Variants in ACTR3 observed in about 807,000 individuals in gnomAD.
ACTR3 encodes actin-related protein 3.
In ACTR3, 12 loss-of-function variants were observed where a neutral mutation model predicts 56.8. That is an observed-to-expected ratio of 0.21 (90% confidence interval 0.14 to 0.34). The LOEUF (loss-of-function observed/expected upper bound fraction) is 0.34, where lower values mean the gene tolerates loss of function less well. Ranked by LOEUF, ACTR3 falls within the 10% of genes least tolerant of loss-of-function variation. ACTR3 has a pLI of 1.00. For missense variants in ACTR3, 282 were observed against 512.5 expected, an observed-to-expected ratio of 0.55 and a Z score of 4.34; for synonymous variants, 162 against 167.4, an observed-to-expected ratio of 0.97 and a Z score of 0.25.
intron 3 of ACTR3, among the ~76,000 whole-genome samples, chr2:113,920,242 G>C (rs1419712151): frequency 1.3e-5 from 2 of 152,056 alleles, no homozygotes; most frequent in African/African-American, 4.8e-5. Context: ...ATTTTTTATA[G>C]AGACAGGGTC....
chr2:113,921,143 C>CT (rs1679499589), intron 3 of ACTR3, among the ~76,000 whole-genome samples: 1 of 151,858 alleles, frequency 6.6e-6, no homozygotes, highest in Non-Finnish European at 1.5e-5. Flanking sequence ...TTTTTTTTGT[C>CT]TTTTGGGTAA....
At chr2:113,942,042 T>C in intron 7 of ACTR3, 144 bp from the exon 8 acceptor site, 1 of 607,198 alleles carries the variant, frequency 1.6e-6, no homozygotes, top group East Asian at 3.5e-5. Context: ...TCCTAACAAA[T>C]TTTTCTTCCA....
Position 113,945,125 on chromosome 2 carries a change from G to A in ACTR3, c.858+2766G>A, listed in dbSNP as rs564683827. On this transcript the variant is annotated intron_variant, in intron 8 of 11. Coordinates refer to ENST00000263238, the MANE Select transcript of ACTR3 (RefSeq NM_005721.5). ...AGAGGAGTGAGCATGAGAAGGATAA[G>A]GAATTGTGGTCAGACTAGTATACTG... Among the ~76,000 whole-genome samples, 3 of 152,236 alleles carry A rather than the reference G, an allele frequency of 2.0e-5. No homozygotes were observed. The South Asian group carries it at 6.2e-4, about 32-fold the overall frequency.
At chr2:113,949,394 G>GAAAAAAAAAAAAGA (rs562713600) in intron 8 of ACTR3, among the ~76,000 whole-genome samples, 1 of 108,858 alleles carries the variant, frequency 9.2e-6, no homozygotes, top group East Asian at 2.5e-4. Flanking sequence ...AAAAAAAAAA[G>GAAAAAAAAAAAAGA]AAAAAAAAAA....
intron 6 of ACTR3, among the ~76,000 whole-genome samples, chr2:113,935,650 A>G (rs1037810941): frequency 2.0e-5 from 3 of 152,204 alleles, no homozygotes; most frequent in African/African-American, 4.8e-5. Flanking sequence ...AGCATTTGAT[A>G]GCTTTTTTTA....
chr2:113,892,867 A>G (rs1678931738), intron 1 of ACTR3, among the ~76,000 whole-genome samples: 1 of 152,224 alleles, frequency 6.6e-6, no homozygotes, highest in Admixed American at 6.5e-5. Context: ...ATCGTCTTAG[A>G]TAGGAAAGCT....
chr2:113,907,449 T>C (rs1679216366), intron 1 of ACTR3, among the ~76,000 whole-genome samples: 2 of 152,026 alleles, frequency 1.3e-5, no homozygotes, highest in Non-Finnish European at 2.9e-5. Context: ...ATTTGGATCT[T>C]GATTTGTTGC....
intron 1 of ACTR3, among the ~76,000 whole-genome samples, chr2:113,897,249 T>C (rs1679023665): frequency 6.6e-6 from 1 of 152,168 alleles, no homozygotes; most frequent in Non-Finnish European, 1.5e-5. Context: ...AATAGGATAG[T>C]GACTAATATT....
At chr2:113,890,375 T>A in intron 1 of ACTR3, 52 bp downstream of exon 1, 1 of 272,302 alleles carries the variant, frequency 3.7e-6, no homozygotes, top group Non-Finnish European at 5.8e-6. Flanking sequence ...GGAAGGAAGA[T>A]GGCGGGGGAG....
chr2:113,912,611 A>C (rs1679328128), intron 1 of ACTR3, among the ~76,000 whole-genome samples: 1 of 152,142 alleles, frequency 6.6e-6, no homozygotes, highest in Admixed American at 6.5e-5. Flanking sequence ...GAGACAACCA[A>C]AATTATTCTT....
chr2:113,952,717 T>C (rs926433770), intron 10 of ACTR3: 2 of 152,146 alleles, frequency 1.3e-5, no homozygotes, highest in Admixed American at 1.3e-4. Flanking sequence ...AAAGTATATG[T>C]TTTGGGTGGA....
chr2:113,906,468 T>C (rs1257769086), intron 1 of ACTR3, among the ~76,000 whole-genome samples: 1 of 152,202 alleles, frequency 6.6e-6, no homozygotes, highest in Non-Finnish European at 1.5e-5. Flanking sequence ...AGTTTTTAAT[T>C]TTGATGAAGT....
chr2:113,895,059 TC>T (rs61667793), intron 1 of ACTR3, among the ~76,000 whole-genome samples: 24,399 of 111,220 alleles, frequency 0.22, 2,811 homozygotes, highest in East Asian at 0.4. Flanking sequence ...TGGTTTAGGT[TC>T]CCCCCCCCCA....
At position 113,890,142 on chromosome 2, in the gene ACTR3, G is replaced by C. The variant is rs1014288197; in HGVS notation, c.-138G>C. 4.4e-6 allele frequency: 5 copies of C among 1,130,124 alleles called. No individual in the cohort carries two copies. The African/African-American group carries it at 7.8e-5, about 18-fold the overall frequency. The allele number at this position is 1,130,124 out of a possible 1,614,324, so 70.0% of individuals were successfully genotyped here. ...CCTGCTGCTTTCTTGCTACTGCTTC[G>C]GCTTCCCGGCTACCCCCCGGACGGT... On this transcript the variant is annotated 5_prime_UTR_variant, in exon 1 of 12. Transcript: ENST00000263238.
intron 1 of ACTR3, among the ~76,000 whole-genome samples, chr2:113,894,109 G>A (rs1264910219): frequency 3.3e-5 from 5 of 149,462 alleles, no homozygotes; most frequent in African/African-American, 7.4e-5. Context: ...TTTTTTTTGA[G>A]ATGGAGTTTT....
chr2:113,925,090 C>T (rs1216754898), intron 3 of ACTR3, among the ~76,000 whole-genome samples: 1 of 151,222 alleles, frequency 6.6e-6, no homozygotes, highest in Non-Finnish European at 1.5e-5. Context: ...GGAGATGGGG[C>T]TTCACCATAT....
At chr2:113,932,764 A>G (rs1444080418) in intron 5 of ACTR3, among the ~76,000 whole-genome samples, 1 of 152,200 alleles carries the variant, frequency 6.6e-6, no homozygotes, top group Non-Finnish European at 1.5e-5. Flanking sequence ...CAGTATATAT[A>G]TATATAACTA....
chr2:113,919,519 G>T (rs1158034487), intron 3 of ACTR3, among the ~76,000 whole-genome samples: 2 of 151,402 alleles, frequency 1.3e-5, no homozygotes. Flanking sequence ...ACTTTTTTTT[G>T]TTGTAAATGG....
intron 8 of ACTR3, among the ~76,000 whole-genome samples, chr2:113,943,566 A>T (rs906702019): frequency 2.6e-5 from 4 of 152,198 alleles, no homozygotes; most frequent in African/African-American, 9.6e-5. Context: ...TGATTTTACT[A>T]TAGTATTTTA....
Sources: gnomAD v4.1 joint callset for allele counts (sites outside exome capture counted in the v4.1 genomes callset) on GRCh38, gnomAD v4.1.1 for gene constraint, MANE v1.5 for transcripts, NCBI Gene and HGNC (gene_info 2026-07-23, HGNC 2026-07-21) for gene names.